VDAC1: variants seen among roughly 807,000 people sequenced by gnomAD.
VDAC1 encodes the protein voltage dependent anion channel 1.
A neutral mutation model predicts 34.7 loss-of-function variants in VDAC1; 10 were observed. That is an observed-to-expected ratio of 0.29 (90% CI 0.18 to 0.49). The LOEUF (loss-of-function observed/expected upper bound fraction) is 0.49, where lower values mean the gene tolerates loss of function less well. VDAC1 is among the 20% of genes least tolerant of loss of function. The pLI is 0.99. For missense variants in VDAC1, 230 were observed against 347.9 expected (o/e 0.66, Z 2.69); for synonymous variants, 130 against 136.0 (o/e 0.96, Z 0.30).
chr5:133,998,804 T>A (rs1348159198), intron 1 of VDAC1, among the ~76,000 whole-genome samples: 2 of 152,144 alleles, frequency 1.3e-5, no homozygotes, highest in Admixed American at 6.5e-5. Context: ...AACTTCAGGG[T>A]GCACAAGAAT....
chr5:134,077,236 C>T, the VDAC1 span, among the ~76,000 whole-genome samples: 15 of 144,738 alleles, frequency 1.0e-4, no homozygotes, highest in East Asian at 2.0e-3. Flanking sequence ...GAGATTGCAT[C>T]GCTGCACTCC....
At chr5:134,027,173 GAGAA>G in the VDAC1 span, among the ~76,000 whole-genome samples, 1 of 152,304 alleles carries the variant, frequency 6.6e-6, no homozygotes, top group Middle Eastern at 3.4e-3. Flanking sequence ...TGATGAGGTT[GAGAA>G]ACACTGATTC....
At chr5:134,078,925 A>T in the VDAC1 span, among the ~76,000 whole-genome samples, 1 of 151,390 alleles carries the variant, frequency 6.6e-6, no homozygotes, top group South Asian at 2.1e-4. Flanking sequence ...TGCTGGGATT[A>T]CAGGCGTGAG....
At chr5:134,028,894 C>A in the VDAC1 span, among the ~76,000 whole-genome samples, 2 of 152,146 alleles carry the variant, frequency 1.3e-5, no homozygotes, top group Non-Finnish European at 2.9e-5. Context: ...GTTGCTAATT[C>A]CCCTGTCCTT....
the VDAC1 span, among the ~76,000 whole-genome samples, chr5:134,071,357 A>G: frequency 1.3e-5 from 2 of 152,078 alleles, no homozygotes; most frequent in Non-Finnish European, 2.9e-5. The surrounding 1 kb of genome is among the most constrained non-coding windows in gnomAD (Gnocchi z 4.1). Flanking sequence ...GGAGGCCCAC[A>G]AAGGGACTCG....
chr5:134,111,431 C>T, the VDAC1 span, among the ~76,000 whole-genome samples: 5 of 152,298 alleles, frequency 3.3e-5, no homozygotes, highest in Admixed American at 1.3e-4. Flanking sequence ...AGGGGGGCAA[C>T]CACAGCAGAT....
intron 5 of VDAC1, among the ~76,000 whole-genome samples, chr5:133,981,999 G>A (rs185905481): frequency 2.3e-4 from 35 of 152,250 alleles, no homozygotes; most frequent in Admixed American, 1.5e-3. Context: ...AGTGCTCCTT[G>A]GAGAAATGGC....
intron 2 of VDAC1, 38 bp from the exon 3 acceptor site, chr5:133,992,393 A>G: frequency 6.7e-7 from 1 of 1,499,234 alleles, no homozygotes; most frequent in Non-Finnish European, 9.0e-7. Flanking sequence ...TAGGTTAAAT[A>G]ACTAGAGAAC....
Position 133,992,995 on chromosome 5 carries a change from C to G in VDAC1, c.18G>C (p.Thr6=). ...TGGCAGATTTGCCAAGATCGGCATA[C>G]GTGGGTGGCACAGCCATCTTCTGCT... MAVPP[T]YADLGKSARD... The change falls in exon 2 of 9, where the codon ACG becomes ACC. Residue 6 remains threonine, a synonymous_variant. Coordinates refer to ENST00000265333, the MANE Select transcript of VDAC1 (RefSeq NM_003374.3). The G allele has an allele frequency of 1.9e-6, 3 of 1,613,352 alleles. No homozygotes were observed. The highest frequency in any genetic ancestry group is 1.7e-4 in the Middle Eastern group (1 of 6,050).
At chr5:134,086,493 A>G in the VDAC1 span, among the ~76,000 whole-genome samples, 5 of 152,230 alleles carry the variant, frequency 3.3e-5, no homozygotes, top group African/African-American at 1.2e-4. Flanking sequence ...ACTTAGCATC[A>G]GCTTCGCAGA....
chr5:134,028,586 C>T, the VDAC1 span, among the ~76,000 whole-genome samples: 1 of 152,202 alleles, frequency 6.6e-6, no homozygotes, highest in Non-Finnish European at 1.5e-5. Flanking sequence ...GAGGGAACAT[C>T]CAGTCATCTA....
upstream of VDAC1, among the ~76,000 whole-genome samples, chr5:134,006,944 C>T (rs1561605537): frequency 6.6e-6 from 1 of 151,824 alleles, no homozygotes; most frequent in Admixed American, 6.6e-5. Context: ...AAATGGGACA[C>T]ATAAAGAGTA....
the VDAC1 span, among the ~76,000 whole-genome samples, chr5:134,065,110 T>G: frequency 6.6e-6 from 1 of 152,096 alleles, no homozygotes; most frequent in African/African-American, 2.4e-5. Flanking sequence ...CTCACCTTAT[T>G]AATTTTTAGT....
the VDAC1 span, among the ~76,000 whole-genome samples, chr5:134,030,507 G>A: frequency 6.6e-6 from 1 of 152,084 alleles, no homozygotes; most frequent in African/African-American, 2.4e-5. Context: ...TCCTCACAAG[G>A]TTCTGTTTGA....
chr5:134,089,795 G>T, the VDAC1 span, among the ~76,000 whole-genome samples: 2 of 152,140 alleles, frequency 1.3e-5, no homozygotes, highest in East Asian at 3.9e-4. Context: ...TTCGAGACCA[G>T]CCTGGCCAAC....
chr5:134,013,468 G>A, the VDAC1 span, among the ~76,000 whole-genome samples: 1 of 152,020 alleles, frequency 6.6e-6, no homozygotes, highest in Non-Finnish European at 1.5e-5. Flanking sequence ...AAATTGACAA[G>A]TGGGACCTAA....
the VDAC1 span, among the ~76,000 whole-genome samples, chr5:134,107,134 C>T: frequency 2.0e-5 from 3 of 152,258 alleles, no homozygotes; most frequent in African/African-American, 4.8e-5. Flanking sequence ...CCCTCACACT[C>T]ACCTCAGAGC....
At chr5:134,061,167 CT>C in the VDAC1 span, among the ~76,000 whole-genome samples, 70,873 of 126,884 alleles carry the variant, frequency 0.56, 17,649 homozygotes, top group East Asian at 0.72. Flanking sequence ...ATCTAGCCTC[CT>C]TTTTTTTTTT....
At chr5:134,029,668 C>G in the VDAC1 span, among the ~76,000 whole-genome samples, 1 of 152,142 alleles carries the variant, frequency 6.6e-6, no homozygotes, top group Non-Finnish European at 1.5e-5. Context: ...ATTTAAATAG[C>G]ACATGTGTAG....
Sources: gnomAD v4.1 joint callset for allele counts (sites outside exome capture counted in the v4.1 genomes callset) on GRCh38, gnomAD v4.1.1 for gene constraint, Gnocchi (gnomAD v3.1) non-coding constraint, MANE v1.5 for transcripts, NCBI Gene and HGNC (gene_info 2026-07-23, HGNC 2026-07-21) for gene names.